Variants in KCNQ5 observed in about 807,000 individuals in gnomAD.
The protein encoded by KCNQ5 is potassium voltage-gated channel subfamily KQT member 5.
Under a neutral mutation model 98.2 loss-of-function variants are expected in KCNQ5, and 30 were observed. That is an observed-to-expected ratio of 0.31 (90% CI 0.23 to 0.41). KCNQ5 has a LOEUF of 0.41. KCNQ5 is among the 10% of genes least tolerant of loss of function. KCNQ5 has a pLI of 1.00. For synonymous variants in KCNQ5, 458 were observed against 449.4 expected, an observed-to-expected ratio of 1.02 and a Z score of -0.24; for missense variants, 835 against 1,182.5, an observed-to-expected ratio of 0.71 and a Z score of 4.31.
At chr6:72,772,880 T>G (rs568923993) in intron 1 of KCNQ5, among the ~76,000 whole-genome samples, 10 of 152,292 alleles carry the variant, frequency 6.6e-5, no homozygotes, top group African/African-American at 2.4e-4. Context: ...GAGCTTTTAT[T>G]GAAAGGATAA....
chr6:72,788,598 T>G (rs1282847532), intron 1 of KCNQ5, among the ~76,000 whole-genome samples: 1 of 152,224 alleles, frequency 6.6e-6, no homozygotes, highest in Non-Finnish European at 1.5e-5. Flanking sequence ...TAAAGAGAAC[T>G]TGGTAAAAAT....
At chr6:73,106,422 A>G (rs1468251179) in intron 6 of KCNQ5, among the ~76,000 whole-genome samples, 2 of 152,210 alleles carry the variant, frequency 1.3e-5, no homozygotes, top group African/African-American at 4.8e-5. Context: ...AACAAGTACC[A>G]CAGACTGGGT....
intron 1 of KCNQ5, among the ~76,000 whole-genome samples, chr6:72,900,058 G>A (rs1230818056): frequency 1.3e-5 from 2 of 151,924 alleles, no homozygotes; most frequent in African/African-American, 2.4e-5. Context: ...AGCTGGTCTC[G>A]AACCCCTGAC....
intron 3 of KCNQ5, among the ~76,000 whole-genome samples, chr6:73,076,981 G>C (rs1010293019): frequency 2.6e-5 from 4 of 152,162 alleles, no homozygotes; most frequent in Admixed American, 6.5e-5. Context: ...ATTGTGAAAG[G>C]TTGCCCCAAA....
At chr6:72,731,239 A>T (rs1484776188) in intron 1 of KCNQ5, among the ~76,000 whole-genome samples, 1 of 152,178 alleles carries the variant, frequency 6.6e-6, no homozygotes, top group Admixed American at 6.6e-5. Flanking sequence ...TTGTCATCCC[A>T]TCCAAGGAAA....
intron 1 of KCNQ5, among the ~76,000 whole-genome samples, chr6:72,977,389 C>T (rs574859798): frequency 6.6e-6 from 1 of 152,250 alleles, no homozygotes; most frequent in South Asian, 2.1e-4. Context: ...GAAACAGAAA[C>T]CAGCCGGACC....
At chr6:73,146,581 C>T (rs1234627850) in intron 10 of KCNQ5, among the ~76,000 whole-genome samples, 5 of 139,202 alleles carry the variant, frequency 3.6e-5, no homozygotes, top group South Asian at 2.2e-4. Flanking sequence ...GAGCCATGAT[C>T]GCATCACTGC....
intron 1 of KCNQ5, among the ~76,000 whole-genome samples, chr6:72,767,868 C>G (rs1772659912): frequency 1.3e-5 from 2 of 151,932 alleles, no homozygotes; most frequent in Non-Finnish European, 2.9e-5. Flanking sequence ...TACTGGAACC[C>G]TCATACATGC....
At chr6:72,797,914 G>C (rs1359676735) in intron 1 of KCNQ5, among the ~76,000 whole-genome samples, 1 of 151,930 alleles carries the variant, frequency 6.6e-6, no homozygotes, top group Non-Finnish European at 1.5e-5. Context: ...TTCTTAAATG[G>C]CTCAAATATG....
chr6:72,744,455 A>G (rs1771276988), intron 1 of KCNQ5, among the ~76,000 whole-genome samples: 1 of 152,140 alleles, frequency 6.6e-6, no homozygotes, highest in Non-Finnish European at 1.5e-5. Context: ...TTTTTTCACA[A>G]TATATGTACT....
rs148226356 is a variant in KCNQ5, at chr6:73,194,509, C to T, written c.1894C>T (p.Arg632Trp). Residue 632 changes from arginine to tryptophan, a missense_variant, in exon 14 of 14, where the codon CGG becomes TGG. Physicochemically the swap from Arg to Trp is moderately radical, Grantham distance 101. Around this residue, in one of 10 missense-constraint regions of KCNQ5, gnomAD observed 416 missense variants for 446.9 expected, o/e 0.93. Transcript: ENST00000370398. ...ACTAGACATCTATCAACAGGTCCTT[C>T]GGAAAGGCTCTGCCTCAGCCCTCGC... is the stretch of plus-strand genomic sequence containing the variant. ...CLLDIYQQVLRKGSASALALA... is the reference protein window; with the variant it reads ...CLLDIYQQVLWKGSASALALA... 16 of 1,614,162 alleles carry T rather than the reference C, an allele frequency of 9.9e-6. No homozygotes were observed. Among genetic ancestry groups the T allele is most frequent in the African/African-American group, 1.3e-5 (1 of 75,058 alleles).
At chr6:73,193,621 T>A (rs1293664115) in intron 13 of KCNQ5, among the ~76,000 whole-genome samples, 1 of 151,722 alleles carries the variant, frequency 6.6e-6, no homozygotes, top group Non-Finnish European at 1.5e-5. Flanking sequence ...AGAAATCAAA[T>A]GGCTCCCCCA....
chr6:73,012,254 G>A (rs1443220813), intron 2 of KCNQ5, among the ~76,000 whole-genome samples: 1 of 151,878 alleles, frequency 6.6e-6, no homozygotes, highest in African/African-American at 2.4e-5. Context: ...GCAAAATATG[G>A]CATATACATA....
intron 5 of KCNQ5, among the ~76,000 whole-genome samples, chr6:73,094,533 T>G (rs1774399040): frequency 6.6e-6 from 1 of 152,186 alleles, no homozygotes; most frequent in Non-Finnish European, 1.5e-5. Flanking sequence ...ATTTATGCTT[T>G]AAAGAGGTTC....
chr6:72,884,547 T>C (rs1778778463), intron 1 of KCNQ5, among the ~76,000 whole-genome samples: 1 of 152,114 alleles, frequency 6.6e-6, no homozygotes, highest in South Asian at 2.1e-4. Context: ...TGTGTTCAAG[T>C]GAATCTCTGA....
chr6:72,862,787 C>G (rs1459270935), intron 1 of KCNQ5, among the ~76,000 whole-genome samples: 1 of 152,014 alleles, frequency 6.6e-6, no homozygotes. Flanking sequence ...AGCACCATGC[C>G]TGGCTAAGTT....
intron 1 of KCNQ5, among the ~76,000 whole-genome samples, chr6:72,945,783 A>G (rs1159633335): frequency 6.6e-6 from 1 of 152,160 alleles, no homozygotes; most frequent in Non-Finnish European, 1.5e-5. Context: ...TGGAATGATT[A>G]TATCAAACAA....
At chr6:72,674,387 C>G (rs990699071) in intron 1 of KCNQ5, among the ~76,000 whole-genome samples, 1 of 151,898 alleles carries the variant, frequency 6.6e-6, no homozygotes, top group African/African-American at 2.4e-5. Flanking sequence ...GTGACAGGTA[C>G]AACAAAACCT....
intron 1 of KCNQ5, among the ~76,000 whole-genome samples, chr6:72,897,279 G>A (rs1358188117): frequency 2.6e-5 from 4 of 152,180 alleles, no homozygotes; most frequent in East Asian, 1.9e-4. Flanking sequence ...GGTGGCTTAC[G>A]TCTGTAATCC....
Sources: allele counts gnomAD v4.1 joint callset (sites outside exome capture counted in the v4.1 genomes callset), GRCh38; gene constraint gnomAD v4.1.1; regional missense constraint gnomAD v4.1.1; transcripts MANE v1.5; gene names NCBI Gene and HGNC (gene_info 2026-07-23, HGNC 2026-07-21).